STK36: variants seen among roughly 807,000 people sequenced by gnomAD.
STK36 encodes the protein serine/threonine kinase 36, also known as serine/threonine-protein kinase 36.
In STK36, 116 loss-of-function variants were observed where a neutral mutation model predicts 142.2. The ratio of observed to expected loss-of-function variants is 0.82; its 90% CI spans 0.70 to 0.95. The LOEUF is 0.95. Ranked by LOEUF, STK36 falls within the 40% of genes least tolerant of loss-of-function variation. The pLI is 0.00. For synonymous variants in STK36, 619 were observed against 641.7 expected (o/e 0.96, Z 0.53); for missense variants, 1,422 against 1,617.2 (o/e 0.88, Z 2.07).
intron 10 of STK36, among the ~76,000 whole-genome samples, chr2:218,681,639 T>A (rs1440546281): frequency 6.6e-6 from 1 of 152,164 alleles, no homozygotes; most frequent in Non-Finnish European, 1.5e-5. Context: ...AAGTTCAAGA[T>A]CAAGGTGCCA....
chr2:218,701,119 G>A (rs1941424208), intron 26 of STK36, among the ~76,000 whole-genome samples: 1 of 149,584 alleles, frequency 6.7e-6, no homozygotes, highest in East Asian at 2.0e-4. Context: ...GCAGAAATTT[G>A]AGAGGATGGT....
rs1324009773 is a variant in STK36, at chr2:218,692,565, CT to C, written c.1916-15del. 2 of 1,604,556 alleles carry C rather than the reference CT, an allele frequency of 1.2e-6. No homozygotes were observed. The highest frequency in any genetic ancestry group is 2.2e-5 in the East Asian group (1 of 44,850). ...AGAGCCTCAGGCCTTTGGAGTTACT[CT>C]TTGCTTTTCTCCACAGGAGCCCCGC... On this transcript the variant is annotated splice_polypyrimidine_tract_variant and intron_variant, in intron 15 of 26. Coordinates refer to ENST00000295709, the MANE Select transcript of STK36 (RefSeq NM_015690.5).
Position 218,697,164 on chromosome 2 carries a change from A to C in STK36, c.2712A>C (p.Leu904=), listed in dbSNP as rs774400047. ...CTGCACAGGAAGGGGAGCTTTCGCT[A>C]TCCAGTCCACCAAGCCCTGAGCCAG... ...EASAQEGELS[L]SSPPSPEPDW... is the part of the protein sequence containing the mutation. Residue 904 remains leucine, a synonymous_variant, in exon 23 of 27, where the codon CTA becomes CTC. Transcript: ENST00000295709. The C allele has an allele frequency of 3.7e-5, 60 of 1,614,036 alleles. No individual in the cohort carries two copies. The highest frequency in any genetic ancestry group is 1.5e-5 in the Non-Finnish European group (18 of 1,180,044).
At position 218,690,536 on chromosome 2, in the gene STK36, T is replaced by C; in HGVS notation, c.1745T>C (p.Leu582Ser). Reference protein sequence around the residue: ...LAQPDDSEQTLRRDSLMCFTV... With the variant: ...LAQPDDSEQTSRRDSLMCFTV... ...CAACCAGATGACTCTGAGCAGACTT[T>C]GCGGAGGGACAGCCTTATGGTAATC... Residue 582 changes from leucine to serine, a missense_variant, in exon 14 of 27, where the codon TTG becomes TCG. Leu to Ser is a moderately radical substitution (Grantham distance 145, BLOSUM62 -2). Coordinates refer to ENST00000295709, the MANE Select transcript of STK36 (RefSeq NM_015690.5). 1.9e-6 allele frequency: 3 copies of C among 1,614,182 alleles called. No homozygotes were observed. The highest frequency in any genetic ancestry group is 2.5e-6 in the Non-Finnish European group (3 of 1,179,990).
At chr2:218,691,564 CT>C (rs150534089) in intron 14 of STK36, among the ~76,000 whole-genome samples, 15 of 147,734 alleles carry the variant, frequency 1.0e-4, no homozygotes, top group East Asian at 2.0e-4. Context: ...CTTTTCTTTC[CT>C]TTTTTTTTTG....
Position 218,685,049 on chromosome 2 carries a change from A to G in STK36, c.1237-36A>G, listed in dbSNP as rs759344751. ...GGGATCTACTACCTTAGACTTACAC[A>G]CTACTCCTGACCCCTTTCACTCCCC... On this transcript the variant is annotated intron_variant, in intron 10 of 26. Coordinates refer to ENST00000295709, the MANE Select transcript of STK36 (RefSeq NM_015690.5). The G allele has an allele frequency of 6.8e-6, 11 of 1,613,058 alleles. 1 individual carries two copies. The South Asian group carries it at 1.1e-4, about 16-fold the overall frequency.
At position 218,688,515 on chromosome 2, in the gene STK36, T is replaced by C. The variant is rs73079056; in HGVS notation, c.1381-182T>C. 4,471 of 712,190 alleles carry C rather than the reference T, an allele frequency of 6.3e-3. 158 individuals are homozygous for C. The African/African-American group carries it at 0.07, about 11-fold the overall frequency. 44.1% of individuals were successfully genotyped at this position (712,190 alleles called of 1,614,324 possible). A position where few individuals can be genotyped will look rare whatever the true frequency, so the allele number is the denominator to read the frequency against. ...TTAGGTAACCTGACCATCTATTGTC[T>C]TCTTCCCTGGTACAGTTCCCCTATT... On this transcript the variant is annotated intron_variant, in intron 11 of 26. Coordinates refer to ENST00000295709, the MANE Select transcript of STK36 (RefSeq NM_015690.5).
At chr2:218,690,078 T>C (rs1940937014) in intron 13 of STK36, 122 bp downstream of exon 13, 12 of 943,072 alleles carry the variant, frequency 1.3e-5, no homozygotes, top group Non-Finnish European at 1.9e-5. Context: ...GGTTTAGGAA[T>C]CAGCTGAGTG....
rs1559325549 is a variant in STK36, at chr2:218,672,100, G to T, written c.-205G>T. On this transcript the variant is annotated 5_prime_UTR_variant, in exon 1 of 27. Transcript: ENST00000295709. ...TCCGGGTCCTTAGCCGGGCCTGATG[G>T]CCCTGAGGCAGTTCGGATGTGTCCC... 8 of 1,130,128 alleles carry T rather than the reference G, an allele frequency of 7.1e-6. No homozygotes were observed. Among genetic ancestry groups the T allele is most frequent in the Admixed American group, 2.0e-5 (1 of 50,208 alleles). 70.0% of individuals were successfully genotyped at this position (1,130,128 alleles called of 1,614,324 possible). A position where few individuals can be genotyped will look rare whatever the true frequency, so the allele number is the denominator to read the frequency against.
In STK36 at chr2:218,701,817, C is replaced by T. The variant is rs142131976; in HGVS notation, c.3805-49C>T. ...CCTCCGCACCTGCCCCAGACACCACCATTTCTGAGCCTCATGTTCTGTTCT... is the reference window on the plus strand; with the variant it reads ...CCTCCGCACCTGCCCCAGACACCACTATTTCTGAGCCTCATGTTCTGTTCT... On this transcript the variant is annotated intron_variant, in intron 26 of 26. Coordinates refer to ENST00000295709, the MANE Select transcript of STK36 (RefSeq NM_015690.5). 780 of 1,600,860 alleles carry T rather than the reference C, an allele frequency of 4.9e-4. 6 individuals carry two copies. In the African/African-American group the frequency reaches 7.6e-3, roughly 16 times the overall value.
intron 10 of STK36, among the ~76,000 whole-genome samples, chr2:218,681,927 TA>T (rs1426195707): frequency 6.7e-6 from 1 of 150,266 alleles, no homozygotes; most frequent in Non-Finnish European, 1.5e-5. Context: ...ACTTTTTATT[TA>T]TTTTTTTTAT....
chr2:218,679,670 A>T lies in STK36; in HGVS notation c.889A>T (p.Asn297Tyr). 2 of 1,614,164 alleles carry T rather than the reference A, an allele frequency of 1.2e-6. No individual in the cohort carries two copies. The highest frequency in any genetic ancestry group is 1.7e-6 in the Non-Finnish European group (2 of 1,180,036). ...GGCCCATCGGTTGGCCCCCAAGGGT[A>T]ATCAGTCTCGCATCTTGACTCAGGC... is the stretch of plus-strand genomic sequence containing the variant. ...EQAHRLAPKG[N>Y]QSRILTQAYK... The change falls in exon 8 of 27, where the codon AAT becomes TAT. Residue 297 changes from asparagine to tyrosine, a missense_variant. Around this residue, in one of 2 missense-constraint regions of STK36, gnomAD observed 460 missense variants for 449.6 expected, o/e 1.02. Coordinates refer to ENST00000295709, the MANE Select transcript of STK36 (RefSeq NM_015690.5).
At chr2:218,689,715 A>G in intron 12 of STK36, 144 bp from the exon 13 acceptor site, 3 of 646,104 alleles carry the variant, frequency 4.6e-6, no homozygotes, top group Non-Finnish European at 7.9e-6. Context: ...TACCCCTAGA[A>G]CTCTCTCTCT....
At chr2:218,685,936 C>A (rs1203942842) in intron 11 of STK36, among the ~76,000 whole-genome samples, 1 of 151,798 alleles carries the variant, frequency 6.6e-6, no homozygotes, top group Non-Finnish European at 1.5e-5. Context: ...TCCCTCATAC[C>A]CATTTACGGT....
intron 26 of STK36, 25 bp from the exon 27 acceptor site, chr2:218,701,841 C>T (rs1559348515): frequency 1.4e-5 from 22 of 1,612,926 alleles, no homozygotes; most frequent in Non-Finnish European, 1.8e-5. Context: ...ATGTTCTGTT[C>T]TATCATCTGT....
chr2:218,694,284 A>G lies in STK36; in HGVS notation c.2357A>G (p.Asp786Gly), dbSNP rs779603668. 1.9e-6 allele frequency: 3 copies of G among 1,613,972 alleles called. No homozygotes were observed. The highest frequency in any genetic ancestry group is 1.7e-6 in the Non-Finnish European group (2 of 1,179,956). The change falls in exon 20 of 27, where the codon GAC (aspartate) becomes GGC (glycine). Residue 786 changes from aspartate (D) to glycine (G), a missense_variant. Physicochemically the swap from Asp to Gly is moderately conservative, Grantham distance 94. Around this residue, in one of 2 missense-constraint regions of STK36, gnomAD observed 962 missense variants for 1,167.5 expected, o/e 0.82. Coordinates refer to ENST00000295709, the MANE Select transcript of STK36 (RefSeq NM_015690.5). The surrounding 1 kb of genome is among the most constrained non-coding windows in gnomAD (Gnocchi z 4.4). ...TCCAGAATGGAGAAGCTAGGCAGTG[A>G]CGTTGCTACTCTCTTTACCCATTCG... ...LPCGMEKLGS[D>G]VATLFTHSHV...
In STK36 at chr2:218,679,622, C is replaced by G; in HGVS notation, c.841C>G (p.Leu281Val). 6.2e-7 allele frequency: 1 copy of G among 1,614,192 alleles called. No homozygotes were observed. Among genetic ancestry groups the G allele is most frequent in the Non-Finnish European group, 8.5e-7 (1 of 1,180,040 alleles). ...ATTCACCAGCCGCCTACCCCCAGAA[C>G]TTCAGGTCCTAAAGGACGAACAGGC... ...TPFTSRLPPELQVLKDEQAHR... is the reference protein window; with the variant it reads ...TPFTSRLPPEVQVLKDEQAHR... The change falls in exon 8 of 27, where the codon CTT becomes GTT. Residue 281 changes from leucine (L) to valine (V), a missense_variant. Physicochemically the swap from Leu to Val is conservative, Grantham distance 32. Coordinates refer to ENST00000295709, the MANE Select transcript of STK36 (RefSeq NM_015690.5).
chr2:218,701,932 C>T lies in STK36; in HGVS notation c.3871C>T (p.His1291Tyr). The T allele has an allele frequency of 3.7e-6, 6 of 1,614,176 alleles. No homozygotes were observed. Among genetic ancestry groups the T allele is most frequent in the Non-Finnish European group, 4.2e-6 (5 of 1,180,016 alleles). The change falls in exon 27 of 27, where the codon CAC becomes TAC. Residue 1291 changes from histidine (H) to tyrosine (Y), a missense_variant. Transcript: ENST00000295709. ...CTCTCTGGGGAATCAGTCACTGCCACACAGCAGTCCTAGGCCTGCCTCTGC... is the reference window on the plus strand; with the variant it reads ...CTCTCTGGGGAATCAGTCACTGCCATACAGCAGTCCTAGGCCTGCCTCTGC... ...LLSLGNQSLP[H>Y]SSPRPASAKH...
intron 9 of STK36, 64 bp downstream of exon 9, chr2:218,680,144 A>G: frequency 6.6e-7 from 1 of 1,505,800 alleles, no homozygotes; most frequent in Non-Finnish European, 9.1e-7. Context: ...ACTCTAGCCA[A>G]AGCAAATACA....
Sources: gnomAD v4.1 joint callset for allele counts (sites outside exome capture counted in the v4.1 genomes callset) on GRCh38, gnomAD v4.1.1 for gene constraint, gnomAD v4.1.1 regional missense constraint, Gnocchi (gnomAD v3.1) non-coding constraint, MANE v1.5 for transcripts, NCBI Gene and HGNC (gene_info 2026-07-23, HGNC 2026-07-21) for gene names.